Variants in CSF1R observed in about 807,000 individuals in gnomAD.
CSF1R encodes the protein macrophage colony-stimulating factor 1 receptor.
CSF1R carries 40 observed loss-of-function variants against 110.0 expected under a neutral mutation model. The observed-to-expected ratio is 0.36, with a 90% CI of 0.28 to 0.47. The LOEUF is 0.47. Among genes scored for constraint, CSF1R ranks in the 20% least tolerant of loss-of-function variants. CSF1R has a pLI of 0.99. For missense variants in CSF1R, 1,052 were observed against 1,253.0 expected (o/e 0.84, Z 2.42); for synonymous variants, 523 against 503.4 (o/e 1.04, Z -0.52).
At chr5:150,056,682 C>T (rs1279975544) in intron 16 of CSF1R, among the ~76,000 whole-genome samples, 1 of 152,230 alleles carries the variant, frequency 6.6e-6, no homozygotes, top group Non-Finnish European at 1.5e-5. Context: ...CTGATCATAG[C>T]AGCTGCTATC....
intron 1 of CSF1R, among the ~76,000 whole-genome samples, chr5:150,102,504 G>A (rs1279941926): frequency 5.3e-5 from 8 of 152,038 alleles, no homozygotes; most frequent in East Asian, 3.9e-4. Flanking sequence ...TTTTGAGACC[G>A]AGTCTCGCTC....
chr5:150,092,800 A>G (rs774466482), intron 1 of CSF1R, among the ~76,000 whole-genome samples: 6 of 152,174 alleles, frequency 3.9e-5, no homozygotes, highest in Non-Finnish European at 8.8e-5. Flanking sequence ...GACACAGCCA[A>G]ACCATATCAC....
chr5:150,107,635 T>G (rs1475160222), intron 1 of CSF1R, among the ~76,000 whole-genome samples: 1 of 152,240 alleles, frequency 6.6e-6, no homozygotes, highest in African/African-American at 2.4e-5. Context: ...AGAGCCCACA[T>G]GTTCAACCAC....
intron 10 of CSF1R, among the ~76,000 whole-genome samples, chr5:150,065,455 C>A (rs547639372): frequency 1.3e-5 from 2 of 152,360 alleles, no homozygotes; most frequent in East Asian, 1.9e-4. Flanking sequence ...CACGGCCCCC[C>A]TTGTGGTCAC....
chr5:150,083,166 G>T (rs1470077360), intron 1 of CSF1R, among the ~76,000 whole-genome samples: 1 of 151,830 alleles, frequency 6.6e-6, no homozygotes, highest in East Asian at 1.9e-4. Flanking sequence ...TCCTCCTCGG[G>T]GTGGGGGCAT....
At chr5:150,060,642 T>C (rs1394409183) in intron 13 of CSF1R, among the ~76,000 whole-genome samples, 1 of 152,182 alleles carries the variant, frequency 6.6e-6, no homozygotes, top group African/African-American at 2.4e-5. Flanking sequence ...AGGGCTCCGA[T>C]GCTCCCTATC....
At chr5:150,101,086 G>A (rs1406535493) in intron 1 of CSF1R, among the ~76,000 whole-genome samples, 1 of 151,638 alleles carries the variant, frequency 6.6e-6, no homozygotes, top group Admixed American at 6.6e-5. Flanking sequence ...AAAAAAAAAG[G>A]TGATACCTAT....
chr5:150,080,123 T>A lies in CSF1R; in HGVS notation c.521A>T (p.Asp174Val), dbSNP rs758823642. The A allele has an allele frequency of 1.2e-6, 2 of 1,614,174 alleles. No individual in the cohort carries two copies. The change falls in exon 3 of 21, where the codon GAC becomes GTC. Residue 174 changes from aspartate to valine, a missense_variant. Asp to Val is a radical substitution (Grantham distance 152, BLOSUM62 -3). This residue lies in a region of CSF1R where 693 missense variants were observed against 735.4 expected (regional missense o/e 0.94). Transcript: ENST00000675795. ...IHRAKFIQSQ[D>V]YQCSALMGGR... Reference sequence around the variant, plus strand: ...ACCCATCAGGGCACTGCATTGATAGTCCTGGCTCTGAATGAACTTGGCCCT... The same window carrying A: ...ACCCATCAGGGCACTGCATTGATAGACCTGGCTCTGAATGAACTTGGCCCT...
chr5:150,070,354 A>G (rs1757979811), intron 7 of CSF1R, 52 bp from the exon 8 acceptor site: 1 of 1,600,646 alleles, frequency 6.2e-7, no homozygotes, highest in Non-Finnish European at 8.5e-7. Context: ...CCACCTCCCA[A>G]TCTCCCAGTA....
rs1451324152 is a variant in CSF1R at position 150,054,646 on chromosome 5, G to A, written c.2655-216C>T. ...TCTCATCACCCTCATTCTGACAGATGAGGCCATTTTGGTATCCTCAGGGTA... is the reference window on the plus strand; with the variant it reads ...TCTCATCACCCTCATTCTGACAGATAAGGCCATTTTGGTATCCTCAGGGTA... On this transcript the variant is annotated intron_variant, in intron 19 of 20. Coordinates refer to ENST00000675795, the MANE Select transcript of CSF1R (RefSeq NM_001288705.3). 5.8e-6 allele frequency: 3 copies of A among 514,846 alleles called. No individual in the cohort carries two copies. In the African/African-American group the frequency reaches 5.8e-5, roughly 10 times the overall value. The allele number at this position is 514,846 out of a possible 1,614,324, so 31.9% of individuals were successfully genotyped here.
At chr5:150,061,458 C>T (rs1757521447) in intron 12 of CSF1R, 33 bp downstream of exon 12, 1 of 1,120,178 alleles carries the variant, frequency 8.9e-7, no homozygotes. Context: ...CTACCACCCC[C>T]CATCCCTTCC....
chr5:150,100,304 TTTTTTTTTTC>T (rs1479625177), intron 1 of CSF1R, among the ~76,000 whole-genome samples: 8 of 134,674 alleles, frequency 5.9e-5, no homozygotes. Context: ...TTTTTTTTTT[TTTTTTTTTTC>T]TGAGACGGAG....
intron 1 of CSF1R, among the ~76,000 whole-genome samples, chr5:150,105,028 A>T (rs1170003290): frequency 6.6e-6 from 1 of 150,802 alleles, no homozygotes; most frequent in East Asian, 2.0e-4. Context: ...ATAGGCACCC[A>T]CCACCACGCC....
intron 19 of CSF1R, 68 bp downstream of exon 19, chr5:150,055,169 C>T (rs1217195471): frequency 7.9e-6 from 11 of 1,389,246 alleles, no homozygotes; most frequent in African/African-American, 2.8e-5. Context: ...CAGGGCCACA[C>T]GGCCTTCCAT....
At position 150,070,192 on chromosome 5, in the gene CSF1R, G is replaced by A; in HGVS notation, c.1309C>T (p.His437Tyr). Reference protein sequence around the residue: ...PNVTWLQCSGHTDRCDEAQVL... With the variant: ...PNVTWLQCSGYTDRCDEAQVL... ...GTGGAGCCCACTTACCTATCAGTGT[G>A]GCCACTGCACTGCAGCCATGTCACG... The change falls in exon 8 of 21, where the codon CAC (histidine) becomes TAC (tyrosine). Residue 437 changes from histidine to tyrosine, a missense_variant. Coordinates refer to ENST00000675795, the MANE Select transcript of CSF1R (RefSeq NM_001288705.3). The A allele has an allele frequency of 1.2e-6, 2 of 1,613,924 alleles. No homozygotes were observed. The highest frequency in any genetic ancestry group is 8.5e-7 in the Non-Finnish European group (1 of 1,179,926).
rs758315126 is a variant in CSF1R at position 150,055,307 on chromosome 5, T to C, written c.2584A>G (p.Asn862Asp). The C allele has an allele frequency of 4.3e-6, 7 of 1,614,126 alleles. No homozygotes were observed. Among genetic ancestry groups the C allele is most frequent in the Non-Finnish European group, 5.1e-6 (6 of 1,180,044 alleles). The change falls in exon 19 of 21, where the codon AAC becomes GAC. Residue 862 changes from asparagine (N) to aspartate (D), a missense_variant. Around this residue, in one of 5 missense-constraint regions of CSF1R, gnomAD observed 74 missense variants for 187.4 expected, o/e 0.39. Transcript: ENST00000675795. ...GLNPYPGILVNSKFYKLVKDG... is the reference protein window; with the variant it reads ...GLNPYPGILVDSKFYKLVKDG... The stretch of plus-strand genomic sequence containing the variant: ...TTCACCAGTTTATAGAACTTGCTGT[T>C]CACCAGGATGCCAGGGTAGGGATTC...
chr5:150,091,417 T>C (rs967753380), upstream of CSF1R, among the ~76,000 whole-genome samples: 36 of 152,320 alleles, frequency 2.4e-4, no homozygotes, highest in African/African-American at 7.5e-4. Context: ...TCCATACAAT[T>C]GAATATTATT....
chr5:150,086,067 T>C (rs1264633683), intron 1 of CSF1R, among the ~76,000 whole-genome samples: 2 of 152,164 alleles, frequency 1.3e-5, no homozygotes, highest in Non-Finnish European at 2.9e-5. Flanking sequence ...ACTGTCCCCC[T>C]GCCCCCAACA....
chr5:150,088,757 C>A (rs549458883), upstream of CSF1R, among the ~76,000 whole-genome samples: 1 of 152,272 alleles, frequency 6.6e-6, no homozygotes, highest in South Asian at 2.1e-4. Flanking sequence ...TAGTCTTGAA[C>A]TCCTGACCTC....
Sources: gnomAD v4.1 joint callset for allele counts (sites outside exome capture counted in the v4.1 genomes callset) on GRCh38, gnomAD v4.1.1 for gene constraint, gnomAD v4.1.1 regional missense constraint, MANE v1.5 for transcripts, NCBI Gene and HGNC (gene_info 2026-07-23, HGNC 2026-07-21) for gene names.